Variants in MGLL observed in about 807,000 individuals in gnomAD.
MGLL encodes the protein monoglyceride lipase.
A neutral mutation model predicts 29.1 loss-of-function variants in MGLL; 7 were observed. The observed-to-expected ratio is 0.24, with a 90% CI of 0.14 to 0.45. The LOEUF (loss-of-function observed/expected upper bound fraction) is 0.45. Among genes scored for constraint, MGLL ranks in the 20% least tolerant of loss-of-function variants. The probability of loss-of-function intolerance (pLI) is 0.99; values close to 1 mark genes in which losing one functional copy is unlikely to be tolerated. For missense variants in MGLL, 356 were observed against 413.6 expected, an observed-to-expected ratio of 0.86 and a Z score of 1.21; for synonymous variants, 148 against 168.3, an observed-to-expected ratio of 0.88 and a Z score of 0.93.
At chr3:127,759,191 C>T (rs2076717624) in intron 3 of MGLL, among the ~76,000 whole-genome samples, 1 of 152,182 alleles carries the variant, frequency 6.6e-6, no homozygotes, top group Admixed American at 6.5e-5. Context: ...TCCCAAAGTG[C>T]TGGGATTACA....
At chr3:127,765,043 T>C (rs1395714974) in intron 3 of MGLL, among the ~76,000 whole-genome samples, 1 of 152,086 alleles carries the variant, frequency 6.6e-6, no homozygotes, top group African/African-American at 2.4e-5. Context: ...AAGGACCACC[T>C]ATTTGTTCTA....
intron 7 of MGLL, among the ~76,000 whole-genome samples, chr3:127,694,086 A>G (rs1465935091): frequency 2.0e-5 from 3 of 152,012 alleles, no homozygotes; most frequent in African/African-American, 7.2e-5. Flanking sequence ...CCTGGTCAAC[A>G]TGATGAAACC....
Position 127,776,587 on chromosome 3 carries a change from AGCTGCGG to A in MGLL, c.262+5195_262+5201del, listed in dbSNP as rs535644927. On this transcript the variant is annotated intron_variant, in intron 3 of 7. Transcript: ENST00000265052. ...CCTGGAGGTGCCACACCCCTTCCTGAGCTGCGGGCCTTGTGGCGCCTCTGTCCCAGCA... is the reference window on the plus strand; with the variant it reads ...CCTGGAGGTGCCACACCCCTTCCTGAGCCTTGTGGCGCCTCTGTCCCAGCA... Among the ~76,000 whole-genome samples, 591 of 152,178 alleles carry A rather than the reference AGCTGCGG, an allele frequency of 3.9e-3. 3 individuals carry two copies. The highest frequency in any genetic ancestry group is 5.1e-3 in the Non-Finnish European group (350 of 68,000).
At chr3:127,741,326 G>T (rs2076336341) in intron 3 of MGLL, among the ~76,000 whole-genome samples, 1 of 152,226 alleles carries the variant, frequency 6.6e-6, no homozygotes, top group Non-Finnish European at 1.5e-5. Context: ...TTTCTTGGGG[G>T]GGAAAGTGGA....
chr3:127,815,486 G>A lies in MGLL; in HGVS notation c.155+6208C>T, dbSNP rs183712184. 9.8e-4 allele frequency among the ~76,000 whole-genome samples: 149 copies of A among 152,294 alleles called. 2 individuals are homozygous for A. Among genetic ancestry groups the A allele is most frequent in the Middle Eastern group, 3.4e-3 (1 of 294 alleles). On this transcript the variant is annotated intron_variant, in intron 2 of 7. Coordinates refer to ENST00000265052, the MANE Select transcript of MGLL (RefSeq NM_007283.7). Reference sequence around the variant, plus strand: ...ATCTCTCCATCTCCTGCTAACACGCGGTGCTACGTCTTTGCCATGACGCGG... The same window carrying A: ...ATCTCTCCATCTCCTGCTAACACGCAGTGCTACGTCTTTGCCATGACGCGG...
In MGLL at chr3:127,799,685, A is replaced by G. The variant is rs77701853; in HGVS notation, c.156-17790T>C. 4.0e-3 allele frequency among the ~76,000 whole-genome samples: 606 copies of G among 152,318 alleles called. 10 individuals are homozygous for G. The highest frequency in any genetic ancestry group is 0.034 in the East Asian group (178 of 5,180). On this transcript the variant is annotated intron_variant, in intron 2 of 7. Transcript: ENST00000265052. ...CTCATCTCCCGGCTGTGCCTCAGGA[A>G]GAGACAGTGAATCAGGCATCTTGGC...
chr3:127,697,678 G>T (rs1249373489), intron 6 of MGLL, among the ~76,000 whole-genome samples: 1 of 152,250 alleles, frequency 6.6e-6, no homozygotes, highest in Non-Finnish European at 1.5e-5. Flanking sequence ...CACATTCTGG[G>T]TTGACGGCTT....
At chr3:127,769,538 A>G (rs1363215202) in intron 3 of MGLL, among the ~76,000 whole-genome samples, 12 of 152,192 alleles carry the variant, frequency 7.9e-5, no homozygotes, top group Non-Finnish European at 1.0e-4. Flanking sequence ...TTCTCAGATG[A>G]AGATGGCAAG....
chr3:127,747,202 A>G (rs1030600765), intron 3 of MGLL, among the ~76,000 whole-genome samples: 19 of 152,004 alleles, frequency 1.2e-4, no homozygotes, highest in African/African-American at 4.4e-4. Context: ...AGGGGAAGTG[A>G]CCCAAGGCCA....
intron 3 of MGLL, among the ~76,000 whole-genome samples, chr3:127,780,670 A>G (rs775684687): frequency 3.9e-5 from 6 of 152,248 alleles, no homozygotes; most frequent in African/African-American, 7.2e-5. Context: ...AGAATGTCCC[A>G]GCAAGCTTTT....
intron 2 of MGLL, among the ~76,000 whole-genome samples, chr3:127,793,941 C>T (rs1288300397): frequency 6.6e-6 from 1 of 152,180 alleles, no homozygotes; most frequent in Admixed American, 6.5e-5. Context: ...TGATGTAAGA[C>T]TATCTTCTGA....
chr3:127,696,046 C>G (rs2075354645), intron 6 of MGLL, among the ~76,000 whole-genome samples: 1 of 152,192 alleles, frequency 6.6e-6, no homozygotes, highest in Admixed American at 6.5e-5. Context: ...TGAGGGACGC[C>G]CAAGGGTGGG....
chr3:127,771,601 C>G (rs2076949594), intron 3 of MGLL, among the ~76,000 whole-genome samples: 1 of 152,120 alleles, frequency 6.6e-6, no homozygotes, highest in Non-Finnish European at 1.5e-5. Context: ...AGCAGTCCTT[C>G]CCCCTCAGCC....
chr3:127,735,465 G>A (rs1353652679), intron 3 of MGLL, among the ~76,000 whole-genome samples: 2 of 152,194 alleles, frequency 1.3e-5, no homozygotes, highest in African/African-American at 4.8e-5. Flanking sequence ...TCTTAGAAAA[G>A]AAACACAAAG....
chr3:127,710,443 C>A, intron 6 of MGLL, 133 bp downstream of exon 6: 1 of 847,592 alleles, frequency 1.2e-6, no homozygotes. Flanking sequence ...TCTAATGCAC[C>A]ACTGTGTCCT....
chr3:127,750,127 C>T (rs1292472491), intron 3 of MGLL, among the ~76,000 whole-genome samples: 1 of 152,092 alleles, frequency 6.6e-6, no homozygotes, highest in Non-Finnish European at 1.5e-5. Flanking sequence ...TGAAGGGATC[C>T]CTCTGCCCGT....
chr3:127,737,201 C>A (rs1289666740), intron 3 of MGLL, among the ~76,000 whole-genome samples: 1 of 151,756 alleles, frequency 6.6e-6, no homozygotes. Flanking sequence ...TAGCAGTGAG[C>A]ATTTATTGAG....
intron 2 of MGLL, among the ~76,000 whole-genome samples, chr3:127,791,556 C>T (rs2077301133): frequency 6.6e-6 from 1 of 152,220 alleles, no homozygotes; most frequent in Admixed American, 6.5e-5. Context: ...AAGTGCTTTA[C>T]ATATGTCATG....
chr3:127,799,993 C>G (rs1462109372), intron 2 of MGLL, among the ~76,000 whole-genome samples: 1 of 152,222 alleles, frequency 6.6e-6, no homozygotes, highest in Non-Finnish European at 1.5e-5. Flanking sequence ...TTCCCTGCAG[C>G]TAGGTGTGGC....
Sources: allele counts gnomAD v4.1 joint callset (sites outside exome capture counted in the v4.1 genomes callset), GRCh38; gene constraint gnomAD v4.1.1; transcripts MANE v1.5; gene names NCBI Gene and HGNC (gene_info 2026-07-23, HGNC 2026-07-21).